CHST9: variants seen among roughly 807,000 people sequenced by gnomAD.
The protein encoded by CHST9 is GalNAc-4-sulfotransferase 2.
CHST9 carries 41 observed loss-of-function variants against 44.4 expected under a neutral mutation model. That is an observed-to-expected ratio of 0.92 (90% CI 0.72 to 1.20). CHST9 has a LOEUF of 1.20. CHST9 is among the 50% of genes most tolerant of loss of function. The pLI is 0.00. For synonymous variants in CHST9, 171 were observed against 178.4 expected, an observed-to-expected ratio of 0.96 and a Z score of 0.33; for missense variants, 504 against 516.5, an observed-to-expected ratio of 0.98 and a Z score of 0.23.
intron 1 of CHST9, among the ~76,000 whole-genome samples, chr18:27,147,950 A>T (rs1363799957): frequency 4.7e-5 from 7 of 147,644 alleles, no homozygotes; most frequent in African/African-American, 1.8e-4. Context: ...TGTACAGATT[A>T]TTTTGTCACC....
At chr18:26,972,126 G>A (rs1025530115) in intron 4 of CHST9, among the ~76,000 whole-genome samples, 11 of 152,036 alleles carry the variant, frequency 7.2e-5, no homozygotes, top group Non-Finnish European at 1.0e-4. Context: ...GGAGGCCGAG[G>A]CGGGCGGATC....
chr18:27,019,486 C>A (rs2057194502), intron 4 of CHST9, among the ~76,000 whole-genome samples: 1 of 152,048 alleles, frequency 6.6e-6, no homozygotes, highest in South Asian at 2.1e-4. Flanking sequence ...TCTCCACTTA[C>A]AAAATAGAGG....
chr18:26,976,231 A>G lies in CHST9; in HGVS notation c.203-31865T>C, dbSNP rs1386124926. Among the ~76,000 whole-genome samples, 25 of 152,104 alleles carry G rather than the reference A, an allele frequency of 1.6e-4. No individual in the cohort carries two copies. In the Admixed American group the frequency reaches 1.6e-3, roughly 10 times the overall value. The stretch of plus-strand genomic sequence containing the variant: ...ATTCCAGAACCTTCTTTGAAATCAG[A>G]ATCAGACACACTTGCAGTAATCTGA... On this transcript the variant is annotated intron_variant, in intron 4 of 5. Transcript: ENST00000618847.
intron 5 of CHST9, among the ~76,000 whole-genome samples, chr18:26,918,778 T>G (rs1409667441): frequency 6.6e-6 from 1 of 152,122 alleles, no homozygotes; most frequent in Non-Finnish European, 1.5e-5. Context: ...TGAAGGGCAC[T>G]GCTTTTTTTT....
intron 4 of CHST9, among the ~76,000 whole-genome samples, chr18:26,991,264 C>T (rs1415733829): frequency 6.6e-6 from 1 of 151,854 alleles, no homozygotes; most frequent in Non-Finnish European, 1.5e-5. Flanking sequence ...AAAGTGGAAT[C>T]CTCTTAATTC....
intron 2 of CHST9, among the ~76,000 whole-genome samples, chr18:27,086,708 TA>T (rs1220493760): frequency 6.6e-6 from 1 of 152,142 alleles, no homozygotes; most frequent in African/African-American, 2.4e-5. Context: ...ATAATTACTT[TA>T]AAAAAACACA....
chr18:27,053,188 G>GAAGAAA lies in CHST9; in HGVS notation c.122-4686_122-4685insTTTCTT, dbSNP rs1408058535. 5.0e-5 allele frequency among the ~76,000 whole-genome samples: 7 copies of GAAGAAA among 139,050 alleles called. 1 individual carries two copies. Among genetic ancestry groups the GAAGAAA allele is most frequent in the Non-Finnish European group, 3.1e-5 (2 of 65,094 alleles). 91.2% of individuals were successfully genotyped at this position (139,050 alleles called of 152,430 possible). ...AGAAGAAGAAGAAGAAGAAGAAGAAGAAGAAGAAAGAACAAGAAGAGGAGG... is the reference window on the plus strand; with the variant it reads ...AGAAGAAGAAGAAGAAGAAGAAGAAGAAGAAAAAGAAGAAAGAACAAGAAGAGGAGG... On this transcript the variant is annotated intron_variant, in intron 2 of 5. Coordinates refer to ENST00000618847, the MANE Select transcript of CHST9 (RefSeq NM_031422.6).
At chr18:27,068,785 C>T (rs2057808929) in intron 2 of CHST9, among the ~76,000 whole-genome samples, 1 of 152,148 alleles carries the variant, frequency 6.6e-6, no homozygotes, top group Non-Finnish European at 1.5e-5. Context: ...AGGTTTCTTC[C>T]AGGCCCCTTT....
chr18:26,949,356 T>C (rs1420799527), intron 4 of CHST9, among the ~76,000 whole-genome samples: 1 of 151,686 alleles, frequency 6.6e-6, no homozygotes, highest in Non-Finnish European at 1.5e-5. Context: ...AAAGATACAA[T>C]GAGAATACAG....
chr18:27,111,872 G>A (rs2058273605), intron 2 of CHST9, among the ~76,000 whole-genome samples: 1 of 152,028 alleles, frequency 6.6e-6, no homozygotes, highest in Non-Finnish European at 1.5e-5. Context: ...TTCTGCCCTT[G>A]ACTCGTGGCT....
intron 5 of CHST9, among the ~76,000 whole-genome samples, chr18:26,920,664 C>A (rs2055633459): frequency 6.6e-6 from 1 of 152,202 alleles, no homozygotes; most frequent in African/African-American, 2.4e-5. Flanking sequence ...GTCTTCTAAA[C>A]AACTGTTTTA....
chr18:27,172,520 T>A (rs2058841012), intron 1 of CHST9, among the ~76,000 whole-genome samples: 1 of 151,992 alleles, frequency 6.6e-6, no homozygotes, highest in Admixed American at 6.6e-5. Flanking sequence ...CTTAAGAACA[T>A]GCTCCATCTC....
chr18:26,942,652 C>T (rs895747544), intron 5 of CHST9, among the ~76,000 whole-genome samples: 1 of 152,120 alleles, frequency 6.6e-6, no homozygotes, highest in Non-Finnish European at 1.5e-5. Flanking sequence ...ATAAGGGAAA[C>T]AGGTAGGTTG....
At chr18:27,089,312 G>A (rs2143708369) in intron 2 of CHST9, among the ~76,000 whole-genome samples, 1 of 142,318 alleles carries the variant, frequency 7.0e-6, no homozygotes, top group South Asian at 2.3e-4. Flanking sequence ...ACATGCCCTG[G>A]TGTGTGATGT....
At chr18:27,148,175 T>C (rs9955379) in intron 1 of CHST9, among the ~76,000 whole-genome samples, 1,719 of 152,280 alleles carry the variant, frequency 0.011, 28 homozygotes, top group African/African-American at 0.036. Flanking sequence ...TCCATCCACG[T>C]TTCCACAAAG....
chr18:27,065,892 G>A lies in CHST9; in HGVS notation c.122-17389C>T, dbSNP rs1025818211. On this transcript the variant is annotated intron_variant, in intron 2 of 5. Coordinates refer to ENST00000618847, the MANE Select transcript of CHST9 (RefSeq NM_031422.6). ...ATAGTGCCATGTGAGGGTGGCAAAA[G>A]TTTATGGCCCATCTTGGGGTTGATA... 2.0e-5 allele frequency among the ~76,000 whole-genome samples: 3 copies of A among 152,198 alleles called. No individual in the cohort carries two copies. The East Asian group carries it at 5.8e-4, about 29-fold the overall frequency.
chr18:27,135,372 G>A (rs1315095702), intron 2 of CHST9, among the ~76,000 whole-genome samples: 1 of 152,098 alleles, frequency 6.6e-6, no homozygotes, highest in Non-Finnish European at 1.5e-5. Flanking sequence ...ATTTCACTTT[G>A]TTGGTCTCAC....
intron 2 of CHST9, among the ~76,000 whole-genome samples, chr18:27,134,484 C>G (rs2058497456): frequency 2.6e-5 from 4 of 152,064 alleles, no homozygotes; most frequent in Admixed American, 2.0e-4. Context: ...CAAAACAAAA[C>G]AAAAACTAGT....
Position 26,914,797 on chromosome 18 carries a change from T to C in CHST9, c.*1462A>G, listed in dbSNP as rs1322952494. The C allele has an allele frequency of 3.0e-5, 12 of 395,662 alleles. No individual in the cohort carries two copies. The highest frequency in any genetic ancestry group is 5.3e-5 in the Non-Finnish European group (12 of 224,350). The allele number at this position is 395,662 out of a possible 1,614,324, so 24.5% of individuals were successfully genotyped here. On this transcript the variant is annotated 3_prime_UTR_variant, in exon 6 of 6. Transcript: ENST00000618847. ...TCAACTATTAATACCTACTGTTCTT[T>C]GAAAGCCATTACTGAATATTTACTG...
Sources: gnomAD v4.1 joint callset for allele counts (sites outside exome capture counted in the v4.1 genomes callset) on GRCh38, gnomAD v4.1.1 for gene constraint, MANE v1.5 for transcripts, NCBI Gene and HGNC (gene_info 2026-07-23, HGNC 2026-07-21) for gene names.